POLRMT: variants seen among roughly 807,000 people sequenced by gnomAD.
POLRMT encodes DNA-directed RNA polymerase, mitochondrial.
In POLRMT, 114 loss-of-function variants were observed where a neutral mutation model predicts 132.2. The ratio of observed to expected loss-of-function variants is 0.86; its 90% CI spans 0.74 to 1.01. The LOEUF (loss-of-function observed/expected upper bound fraction) is 1.01, where lower values mean the gene tolerates loss of function less well. POLRMT is among the 50% of genes least tolerant of loss of function. The pLI is 0.00. For synonymous variants in POLRMT, 1,020 were observed against 773.4 expected, an observed-to-expected ratio of 1.32 and a Z score of -5.29; for missense variants, 2,003 against 1,729.1, an observed-to-expected ratio of 1.16 and a Z score of -2.81.
intron 2 of POLRMT, among the ~76,000 whole-genome samples, chr19:631,547 G>T (rs985692208): frequency 1.3e-5 from 2 of 151,928 alleles, no homozygotes; most frequent in African/African-American, 2.4e-5. Context: ...GTTGAGGCAG[G>T]AGAATTGCTT....
rs1171509459 is a variant in POLRMT, at chr19:618,707, G to T, written c.3321C>A (p.Ser1107Arg). ...SITYTHNGDI[S>R]RKPNTRKQKN... ...CCCAGCCCGGGCCCCCCACTCACCG[G>T]CTGATGTCTCCGTTGTGGGTGTAGG... Residue 1107 changes from serine (S) to arginine (R), a missense_variant and splice_region_variant, in exon 16 of 21, where the codon AGC becomes AGA. Transcript: ENST00000588649. 1.2e-6 allele frequency: 2 copies of T among 1,607,540 alleles called. No individual in the cohort carries two copies. The highest frequency in any genetic ancestry group is 4.5e-5 in the East Asian group (2 of 44,586).
At chr19:632,539 G>A in intron 2 of POLRMT, among the ~76,000 whole-genome samples, 1 of 151,550 alleles carries the variant, frequency 6.6e-6, no homozygotes, top group African/African-American at 2.4e-5. Context: ...GCGGGGCCGG[G>A]GGGGGGGTCT....
In POLRMT at chr19:620,479, C is replaced by G. The variant is rs563912664; in HGVS notation, c.2649G>C (p.Lys883Asn). The G allele has an allele frequency of 6.3e-7, 1 of 1,591,104 alleles. No individual in the cohort carries two copies. Among genetic ancestry groups the G allele is most frequent in the African/African-American group, 1.3e-5 (1 of 74,412 alleles). ...DSADQPLTGRKWWMGAEEPWQ... is the reference protein window; with the variant it reads ...DSADQPLTGRNWWMGAEEPWQ... ...AGGGTTCCTCCGCGCCCATCCACCACTTTCGGCCCTGCGGGGACAGCGGAT... is the reference window on the plus strand; with the variant it reads ...AGGGTTCCTCCGCGCCCATCCACCAGTTTCGGCCCTGCGGGGACAGCGGAT... The change falls in exon 11 of 21, where the codon AAG (lysine) becomes AAC (asparagine). Residue 883 changes from lysine to asparagine, a missense_variant. Transcript: ENST00000588649.
intron 2 of POLRMT, 111 bp downstream of exon 2, chr19:632,723 C>G: frequency 6.7e-6 from 6 of 889,314 alleles, no homozygotes; most frequent in Non-Finnish European, 8.3e-6. Flanking sequence ...TCCTGGGACC[C>G]GAGAGGTGGA....
intron 12 of POLRMT, 55 bp downstream of exon 12, chr19:619,903 A>T: frequency 6.3e-7 from 1 of 1,596,014 alleles, no homozygotes; most frequent in East Asian, 2.2e-5. Context: ...GCCGAGACTC[A>T]GGGCTCACAT....
At chr19:618,378 C>T in intron 17 of POLRMT, 110 bp downstream of exon 17, 1 of 832,510 alleles carries the variant, frequency 1.2e-6, no homozygotes, top group Non-Finnish European at 1.9e-6. Flanking sequence ...AGCAGATCCA[C>T]TCTGCCCAGT....
At chr19:618,108 G>A (rs900487413) in intron 17 of POLRMT, 7 of 573,774 alleles carry the variant, frequency 1.2e-5, no homozygotes, top group African/African-American at 9.4e-5. Flanking sequence ...TCAGCTCCGA[G>A]GGCGGCTACG....
At chr19:618,904 ACTGGGGTGGTGGTACG>A (rs1984250941) in intron 15 of POLRMT, 77 bp downstream of exon 15, 8 of 1,355,436 alleles carry the variant, frequency 5.9e-6, no homozygotes, top group East Asian at 2.5e-5. Context: ...GCGGTGGTAC[ACTGGGGTGGTGGTACG>A]CTGGGGCACT....
intron 2 of POLRMT, among the ~76,000 whole-genome samples, chr19:631,573 A>T (rs1985421237): frequency 6.6e-6 from 1 of 151,786 alleles, no homozygotes; most frequent in Admixed American, 6.6e-5. Context: ...CGGGAGGCGG[A>T]GGCTGCAGTG....
Position 617,452 on chromosome 19 carries a change from G to A in POLRMT, c.3610C>T (p.Leu1204=), listed in dbSNP as rs750437737. 2.5e-6 allele frequency: 4 copies of A among 1,611,976 alleles called. No homozygotes were observed. The highest frequency in any genetic ancestry group is 3.4e-6 in the Non-Finnish European group (4 of 1,179,816). The change falls in exon 20 of 21, where the codon CTG becomes TTG. Residue 1204 remains leucine, a synonymous_variant. Transcript: ENST00000588649. ...GGCACCGCCTGCAGTGTCTCCTTCA[G>A]CTGGCTGGCCTCCAAGATCTTCTGG... ...EPQKILEASQ[L]KETLQAVPKP... is the part of the protein sequence containing the mutation.
In POLRMT at chr19:630,956, G is replaced by C. The variant is rs1020316645; in HGVS notation, c.194-788C>G. 2.6e-5 allele frequency among the ~76,000 whole-genome samples: 4 copies of C among 151,982 alleles called. No individual in the cohort carries two copies. The South Asian group carries it at 8.3e-4, about 32-fold the overall frequency. On this transcript the variant is annotated intron_variant, in intron 2 of 20. Coordinates refer to ENST00000588649, the MANE Select transcript of POLRMT (RefSeq NM_005035.4). ...GAAGATCACCTAAGGTCAGGAGTTC[G>C]AGACCAGCCTGGCCAACATGGTGAA...
intron 15 of POLRMT, 115 bp downstream of exon 15, chr19:618,882 T>TGGCACACTGGGGC: frequency 7.3e-7 from 1 of 1,363,368 alleles, no homozygotes; most frequent in Non-Finnish European, 1.0e-6. Context: ...CGGGATGGGG[T>TGGCACACTGGGGC]GGCACACTGG....
Position 621,787 on chromosome 19 carries a change from G to C in POLRMT, c.1911C>G (p.Pro637=), listed in dbSNP as rs776926064. 1.1e-5 allele frequency: 18 copies of C among 1,602,126 alleles called. No individual in the cohort carries two copies. In the Admixed American group the frequency reaches 1.2e-4, roughly 10 times the overall value. ...YVQLLEKAAE[P]TLTFEAVDVP... ...CATCCACCGCCTCGAAGGTCAGCGT[G>C]GGCTCCGCGGCCTTCTCCAGCAGCT... Residue 637 remains proline (P), a synonymous_variant, in exon 10 of 21, where the codon CCC becomes CCG. Transcript: ENST00000588649.
intron 11 of POLRMT, 56 bp from the exon 12 acceptor site, chr19:620,136 A>C (rs986741886): frequency 2.6e-6 from 4 of 1,525,784 alleles, no homozygotes; most frequent in Non-Finnish European, 3.5e-6. Flanking sequence ...GACGTGTGGG[A>C]CCCCAAACCA....
rs752978156 is a variant in POLRMT, at chr19:619,290, C to G, written c.3073G>C (p.Val1025Leu). 5 of 1,608,518 alleles carry G rather than the reference C, an allele frequency of 3.1e-6. No individual in the cohort carries two copies. The highest frequency in any genetic ancestry group is 3.3e-5 in the Admixed American group (2 of 59,730). The change falls in exon 14 of 21, where the codon GTG (valine) becomes CTG (leucine). Residue 1025 changes from valine (V) to leucine (L), a missense_variant. Coordinates refer to ENST00000588649, the MANE Select transcript of POLRMT (RefSeq NM_005035.4). Reference sequence around the variant, plus strand: ...ACGAGATAGTGAGAGGCCTCCCACACGAACTCCTGCAGAGGGCGGGCAGCA... The same window carrying G: ...ACGAGATAGTGAGAGGCCTCCCACAGGAACTCCTGCAGAGGGCGGGCAGCA... ...RELSDFPQEF[V>L]WEASHYLVRQ...
chr19:632,979 T>G, intron 1 of POLRMT, 41 bp from the exon 2 acceptor site: 1 of 1,388,020 alleles, frequency 7.2e-7, no homozygotes, highest in South Asian at 1.4e-5. Context: ...GCCGGGCGTG[T>G]GGGCGGGGGC....
chr19:622,190 G>A lies in POLRMT; in HGVS notation c.1810C>T (p.Pro604Ser). The A allele has an allele frequency of 6.3e-7, 1 of 1,577,576 alleles. No homozygotes were observed. The highest frequency in any genetic ancestry group is 1.1e-5 in the South Asian group (1 of 87,122). Residue 604 changes from proline (P) to serine (S), a missense_variant, in exon 9 of 21, where the codon CCC becomes TCC. Coordinates refer to ENST00000588649, the MANE Select transcript of POLRMT (RefSeq NM_005035.4). Reference protein sequence around the residue: ...DKPHRSSRLVPVLYHVYSFRN... With the variant: ...DKPHRSSRLVSVLYHVYSFRN... ...AAGGAATACACGTGGTAGAGCACGGGGACAAGCCGAGAGGAACGATGCGGC... is the reference window on the plus strand; with the variant it reads ...AAGGAATACACGTGGTAGAGCACGGAGACAAGCCGAGAGGAACGATGCGGC...
At position 622,232 on chromosome 19, in the gene POLRMT, G is replaced by A. The variant is rs369539699; in HGVS notation, c.1768C>T (p.Pro590Ser). The change falls in exon 9 of 21, where the codon CCA becomes TCA. Residue 590 changes from proline to serine, a missense_variant. Transcript: ENST00000588649. ...AEMLVQATQM[P>S]CSLDKPHRSS... is the part of the protein sequence containing the mutation. Reference sequence around the variant, plus strand: ...CGATGCGGCTTGTCCAGGCTGCATGGCATCTGCGTAGCCTGCACCAGCATC... The same window carrying A: ...CGATGCGGCTTGTCCAGGCTGCATGACATCTGCGTAGCCTGCACCAGCATC... 19 of 1,561,814 alleles carry A rather than the reference G, an allele frequency of 1.2e-5. No homozygotes were observed. Among genetic ancestry groups the A allele is most frequent in the Middle Eastern group, 4.1e-4 (2 of 4,900 alleles).
chr19:629,674 A>C lies in POLRMT; in HGVS notation c.688T>G (p.Phe230Val), dbSNP rs1175557230. 1 of 1,610,054 alleles carries C rather than the reference A, an allele frequency of 6.2e-7. No homozygotes were observed. Residue 230 changes from phenylalanine to valine, a missense_variant, in exon 3 of 21, where the codon TTC (phenylalanine) becomes GTC (valine). Transcript: ENST00000588649. The stretch of plus-strand genomic sequence containing the variant: ...TGGTCAGTGAGCAGGCAGCACTTGA[A>C]GAAGGCCAGGAGCCTCTGCTGCTGA... ...SGQQQRLLAF[F>V]KCCLLTDQLP...
Sources: gnomAD v4.1 joint callset for allele counts (sites outside exome capture counted in the v4.1 genomes callset) on GRCh38, gnomAD v4.1.1 for gene constraint, MANE v1.5 for transcripts, NCBI Gene and HGNC (gene_info 2026-07-23, HGNC 2026-07-21) for gene names.